Variants in CPNE5 observed in about 807,000 individuals in gnomAD.
The protein encoded by CPNE5 is copine 5.
Under a neutral mutation model 81.1 loss-of-function variants are expected in CPNE5, and 42 were observed. The ratio of observed to expected loss-of-function variants is 0.52; its 90% CI spans 0.40 to 0.67. The LOEUF (loss-of-function observed/expected upper bound fraction) is 0.67. CPNE5 is among the 30% of genes least tolerant of loss of function. The pLI is 0.00. For missense variants in CPNE5, 612 were observed against 815.5 expected (o/e 0.75, Z 3.04); for synonymous variants, 313 against 321.5 (o/e 0.97, Z 0.28).
rs548396115 is a variant in CPNE5, at chr6:36,745,796, T to G, written c.1201-281A>C. The stretch of plus-strand genomic sequence containing the variant: ...CTTCCCTCAGGGAACCTTGGGTAAA[T>G]CCACTCTGCCCTAAAATGACTGCTG... On this transcript the variant is annotated intron_variant, in intron 16 of 20. Transcript: ENST00000244751. 2.0e-5 allele frequency among the ~76,000 whole-genome samples: 3 copies of G among 152,206 alleles called. No homozygotes were observed. In the South Asian group the frequency reaches 6.2e-4, roughly 32 times the overall value.
chr6:36,811,050 AG>A (rs1384759662), intron 3 of CPNE5, among the ~76,000 whole-genome samples: 1 of 152,204 alleles, frequency 6.6e-6, no homozygotes, highest in Non-Finnish European at 1.5e-5. Context: ...CCATTGTTTC[AG>A]ATAATCTGTT....
At chr6:36,798,029 T>C in intron 6 of CPNE5, 136 bp downstream of exon 6, 1 of 664,280 alleles carries the variant, frequency 1.5e-6, no homozygotes, top group East Asian at 2.7e-5. Flanking sequence ...CAGTGAGGCA[T>C]GGGGTCTCTT....
intron 3 of CPNE5, among the ~76,000 whole-genome samples, chr6:36,812,364 G>T (rs1372283573): frequency 2.0e-5 from 3 of 152,120 alleles, no homozygotes; most frequent in South Asian, 4.1e-4. Flanking sequence ...TTTAAGGAGG[G>T]GAAGGAAAGG....
At chr6:36,788,172 AG>A (rs1768750028) in intron 8 of CPNE5, among the ~76,000 whole-genome samples, 1 of 151,256 alleles carries the variant, frequency 6.6e-6, no homozygotes, top group South Asian at 2.1e-4. Context: ...CTGGGACCAC[AG>A]GCGTGCACCA....
intron 1 of CPNE5, among the ~76,000 whole-genome samples, chr6:36,833,053 G>A (rs565374308): frequency 7.9e-4 from 120 of 152,294 alleles, no homozygotes; most frequent in African/African-American, 2.7e-3. Context: ...TCCCTGGGGA[G>A]AGACTGCCTA....
At chr6:36,825,370 C>T (rs1772413331) in intron 1 of CPNE5, among the ~76,000 whole-genome samples, 1 of 152,076 alleles carries the variant, frequency 6.6e-6, no homozygotes, top group Admixed American at 6.5e-5. Flanking sequence ...AGAGGAATTC[C>T]CAAATGGCTT....
chr6:36,777,207 C>T (rs1391577116), intron 9 of CPNE5, among the ~76,000 whole-genome samples: 1 of 152,182 alleles, frequency 6.6e-6, no homozygotes, highest in Non-Finnish European at 1.5e-5. Flanking sequence ...CCAAGTCCGG[C>T]CGAGTGAGGT....
intron 1 of CPNE5, among the ~76,000 whole-genome samples, chr6:36,824,164 T>C (rs1458558484): frequency 6.6e-6 from 1 of 151,942 alleles, no homozygotes; most frequent in East Asian, 1.9e-4. Context: ...TCTGTTTCTC[T>C]CCTGCGGGCT....
At chr6:36,832,669 T>C (rs576014623) in intron 1 of CPNE5, among the ~76,000 whole-genome samples, 36 of 152,306 alleles carry the variant, frequency 2.4e-4, no homozygotes, top group Admixed American at 1.9e-3. Context: ...TCCAGATTCA[T>C]TGTGATCTGA....
At chr6:36,804,468 T>C (rs576923508) in intron 3 of CPNE5, among the ~76,000 whole-genome samples, 1 of 152,228 alleles carries the variant, frequency 6.6e-6, no homozygotes, top group East Asian at 1.9e-4. Context: ...TGTCTCTTAA[T>C]GGCTTTCTTG....
rs1452645212 is a variant in CPNE5, at chr6:36,766,108, C to T, written c.738-732G>A. On this transcript the variant is annotated intron_variant, in intron 10 of 20. Transcript: ENST00000244751. This position sits in a 1 kb window ranked among gnomAD's most constrained non-coding sequence, Gnocchi z 4.2. ...AACCCTTGGTGCCAGCTGCTCGATC[C>T]TCCAGGGATGCCCAGGGACAGGGGA... Among the ~76,000 whole-genome samples the T allele has an allele frequency of 1.3e-5, 2 of 152,104 alleles. No individual in the cohort carries two copies. The highest frequency in any genetic ancestry group is 4.8e-5 in the African/African-American group (2 of 41,426).
At chr6:36,767,856 A>T (rs139746989) in intron 10 of CPNE5, among the ~76,000 whole-genome samples, 2 of 152,340 alleles carry the variant, frequency 1.3e-5, no homozygotes, top group East Asian at 3.9e-4. Flanking sequence ...AGAAGACAGC[A>T]CTAGTTTTCA....
intron 1 of CPNE5, among the ~76,000 whole-genome samples, chr6:36,837,068 A>T (rs954469289): frequency 6.6e-6 from 1 of 152,258 alleles, no homozygotes; most frequent in African/African-American, 2.4e-5. Context: ...TCCTTTGGAC[A>T]TCTTTACTTC....
intron 15 of CPNE5, among the ~76,000 whole-genome samples, chr6:36,747,819 G>A (rs1053318312): frequency 2.0e-5 from 3 of 152,236 alleles, no homozygotes; most frequent in Non-Finnish European, 4.4e-5. Context: ...TCCCTGGGCT[G>A]GATCCTGCCT....
rs189497084 is a variant in CPNE5 at position 36,831,290 on chromosome 6, A to G, written c.95+7993T>C. Among the ~76,000 whole-genome samples the G allele has an allele frequency of 4.6e-5, 7 of 151,986 alleles. No individual in the cohort carries two copies. The East Asian group carries it at 1.2e-3, about 25-fold the overall frequency. ...GACTGGTCTTGAACTCCTGACCTCA[A>G]GTGATCTGCCCATCTTGGCCTCTCA... is the stretch of plus-strand genomic sequence containing the variant. On this transcript the variant is annotated intron_variant, in intron 1 of 20. Transcript: ENST00000244751.
chr6:36,746,975 G>GC lies in CPNE5; in HGVS notation c.1019-399dup, dbSNP rs397692667. 0.011 allele frequency among the ~76,000 whole-genome samples: 1 copy of GC among 94 alleles called. No homozygotes were observed. The highest frequency in any genetic ancestry group is 0.024 in the Non-Finnish European group (1 of 42). 0.1% of individuals were successfully genotyped at this position (94 alleles called of 152,430 possible). ...CCAAAGTCCTCACAAGAGCCCGCAA[G>GC]CACTCATGATCTGGCCTCCAGGTCA... is the stretch of plus-strand genomic sequence containing the variant. On this transcript the variant is annotated intron_variant, in intron 15 of 20. Transcript: ENST00000244751. The surrounding 1 kb of genome is among the most constrained non-coding windows in gnomAD (Gnocchi z 4.5).
rs201649536 is a variant in CPNE5 at position 36,745,137 on chromosome 6, C to T, written c.1342G>A (p.Val448Met). 1.3e-4 allele frequency: 209 copies of T among 1,613,322 alleles called. No individual in the cohort carries two copies. Among genetic ancestry groups the T allele is most frequent in the Non-Finnish European group, 1.6e-4 (190 of 1,179,548 alleles). The change falls in exon 18 of 21, where the codon GTG (valine) becomes ATG (methionine). Residue 448 changes from valine to methionine, a missense_variant. Coordinates refer to ENST00000244751, the MANE Select transcript of CPNE5 (RefSeq NM_020939.2). ...VTHVARNAAAVQDGSQYSVLL... is the reference protein window; with the variant it reads ...VTHVARNAAAMQDGSQYSVLL... ...ACCGAGTACTGGGAGCCATCCTGCA[C>T]GGCCGCTGCATTCCTGGGTGGGGCA... is the stretch of plus-strand genomic sequence containing the variant.
Position 36,790,985 on chromosome 6 carries a change from C to T in CPNE5, c.528+1048G>A, listed in dbSNP as rs192749648. On this transcript the variant is annotated intron_variant, in intron 8 of 20. Transcript: ENST00000244751. The stretch of plus-strand genomic sequence containing the variant: ...TAGTAGGGTAAATATTGATTGATAG[C>T]TGATCCGTAGCACTGACCTCCCAGG... 2.7e-3 allele frequency among the ~76,000 whole-genome samples: 413 copies of T among 152,304 alleles called. 4 individuals are homozygous for T. The highest frequency in any genetic ancestry group is 9.5e-3 in the African/African-American group (393 of 41,550).
At chr6:36,765,397 C>T in intron 10 of CPNE5, 21 bp from the exon 11 acceptor site, 2 of 1,614,126 alleles carry the variant, frequency 1.2e-6, no homozygotes, top group Non-Finnish European at 1.7e-6. Context: ...AAGGCCTTTG[C>T]TGGGATGGGC....
Sources: allele counts gnomAD v4.1 joint callset (sites outside exome capture counted in the v4.1 genomes callset), GRCh38; gene constraint gnomAD v4.1.1; non-coding constraint Gnocchi (gnomAD v3.1); transcripts MANE v1.5; gene names NCBI Gene and HGNC (gene_info 2026-07-23, HGNC 2026-07-21).